The following NLRC3 variants were observed in gnomAD, a reference collection of about 807,000 sequenced individuals.
NLRC3 encodes NLR family CARD domain-containing protein 3.
In NLRC3, 87 loss-of-function variants were observed where a neutral mutation model predicts 91.6. That is an observed-to-expected ratio of 0.95 (90% CI 0.80 to 1.14). The LOEUF is 1.14. NLRC3 is among the 50% of genes most tolerant of loss of function. NLRC3 has a pLI of 0.00. For missense variants in NLRC3, 1,577 were observed against 1,418.6 expected (o/e 1.11, Z -1.79); for synonymous variants, 694 against 625.3 (o/e 1.11, Z -1.64).
intron 1 of NLRC3, among the ~76,000 whole-genome samples, chr16:3,574,114 C>T (rs1202539207): frequency 7.0e-6 from 1 of 142,204 alleles, no homozygotes; most frequent in East Asian, 2.2e-4. Flanking sequence ...CCTCTGCCTC[C>T]TGGGTTCAAG....
intron 1 of NLRC3, among the ~76,000 whole-genome samples, chr16:3,567,882 T>A (rs756833685): frequency 2.0e-5 from 3 of 151,642 alleles, no homozygotes; most frequent in Non-Finnish European, 2.9e-5. Context: ...TTCTTTTTTT[T>A]TTGAGACGGA....
chr16:3,572,299 G>A (rs772824942), intron 1 of NLRC3, among the ~76,000 whole-genome samples: 38 of 151,938 alleles, frequency 2.5e-4, no homozygotes, highest in Non-Finnish European at 5.1e-4. Flanking sequence ...GGAGGTAGTG[G>A]GAAATTTTTT....
chr16:3,558,000 G>C (rs1427150024), intron 6 of NLRC3, among the ~76,000 whole-genome samples: 1 of 152,206 alleles, frequency 6.6e-6, no homozygotes, highest in Non-Finnish European at 1.5e-5. Context: ...ACATGCAGAT[G>C]GCAGCCAGTG....
rs2039696698 is a variant in NLRC3 at position 3,563,312 on chromosome 16, T to C, written c.1625A>G (p.Tyr542Cys). The change falls in exon 5 of 20, where the codon TAC becomes TGC. Residue 542 changes from tyrosine (Y) to cysteine (C), a missense_variant. Physicochemically the swap from Tyr to Cys is radical, Grantham distance 194. Coordinates refer to ENST00000359128, the MANE Select transcript of NLRC3 (RefSeq NM_178844.4). ...SLLAQGEHQA[Y>C]RTQVAELLQG... ...CAGGAGCTCAGCCACCTGGGTCCGG[T>C]AGGCCTGGTGCTCGCCTTGGGCCAG... 3.1e-6 allele frequency: 5 copies of C among 1,599,964 alleles called. No individual in the cohort carries two copies. Among genetic ancestry groups the C allele is most frequent in the South Asian group, 1.1e-5 (1 of 88,648 alleles).
intron 1 of NLRC3, among the ~76,000 whole-genome samples, chr16:3,575,367 G>T (rs541590273): frequency 1.8e-4 from 28 of 152,320 alleles, no homozygotes; most frequent in African/African-American, 2.9e-4. Context: ...GTGAGGTCGC[G>T]AGGCCGCAGA....
chr16:3,555,229 C>CAAA (rs149218240), intron 8 of NLRC3, among the ~76,000 whole-genome samples: 9 of 82,416 alleles, frequency 1.1e-4, no homozygotes, highest in South Asian at 7.9e-4. Context: ...GACTCCGTCT[C>CAAA]AAAAAAAAAA....
chr16:3,543,983 G>A (rs1023983607), intron 16 of NLRC3: 8 of 440,136 alleles, frequency 1.8e-5, no homozygotes, highest in Admixed American at 7.4e-5. Context: ...GTGAAACCCC[G>A]TCTCTACTAA....
chr16:3,548,863 G>A, intron 13 of NLRC3, 110 bp from the exon 14 acceptor site: 2 of 764,922 alleles, frequency 2.6e-6, no homozygotes, highest in Non-Finnish European at 4.3e-6. Flanking sequence ...GCCAGCACGA[G>A]GGGGTGCTTC....
At position 3,543,604 on chromosome 16, in the gene NLRC3, A is replaced by G. The variant is rs530091847; in HGVS notation, c.2856-96T>C. On this transcript the variant is annotated intron_variant, in intron 16 of 19. Coordinates refer to ENST00000359128, the MANE Select transcript of NLRC3 (RefSeq NM_178844.4). ...CACCACCCCTTGACTCAGGATGGAA[A>G]GTGGAGAAACAGCACTGAGAATGGT... The G allele has an allele frequency of 3.0e-5, 25 of 829,712 alleles. No homozygotes were observed. The South Asian group carries it at 3.5e-4, about 12-fold the overall frequency. 51.4% of individuals were successfully genotyped at this position (829,712 alleles called of 1,614,324 possible).
chr16:3,555,564 C>G (rs889773248), intron 8 of NLRC3, among the ~76,000 whole-genome samples: 2 of 151,964 alleles, frequency 1.3e-5, no homozygotes, highest in Non-Finnish European at 2.9e-5. Flanking sequence ...GAACTGTACA[C>G]TTTAAAACAG....
intron 15 of NLRC3, among the ~76,000 whole-genome samples, chr16:3,546,699 G>A (rs1026845233): frequency 2.0e-5 from 3 of 152,316 alleles, no homozygotes; most frequent in South Asian, 2.1e-4. Context: ...CCCTGCACCC[G>A]AGCAAGATCC....
chr16:3,542,033 G>T (rs547559165), intron 19 of NLRC3, 118 bp from the exon 20 acceptor site: 26 of 801,718 alleles, frequency 3.2e-5, no homozygotes, highest in Non-Finnish European at 5.5e-5. Context: ...GGATCCCCTC[G>T]CTACATGGAC....
chr16:3,542,554 G>T, intron 18 of NLRC3, 138 bp downstream of exon 18: 1 of 640,208 alleles, frequency 1.6e-6, no homozygotes, highest in East Asian at 2.7e-5. Flanking sequence ...AGTGGAATGT[G>T]GACTATAATA....
intron 5 of NLRC3, among the ~76,000 whole-genome samples, chr16:3,562,657 C>T (rs2039662455): frequency 6.6e-6 from 1 of 151,902 alleles, no homozygotes; most frequent in African/African-American, 2.4e-5. Flanking sequence ...AAAGAGAGGA[C>T]AGCACCATGT....
chr16:3,551,159 C>G (rs1274692319), intron 10 of NLRC3, among the ~76,000 whole-genome samples: 7 of 149,796 alleles, frequency 4.7e-5, no homozygotes, highest in African/African-American at 1.5e-4. Flanking sequence ...CTATTCTCCA[C>G]TAATTCATTC....
chr16:3,565,658 G>T (rs2039850543), intron 2 of NLRC3, among the ~76,000 whole-genome samples: 1 of 151,926 alleles, frequency 6.6e-6, no homozygotes, highest in African/African-American at 2.4e-5. Flanking sequence ...AATTCCTAGG[G>T]CAGTAACATG....
intron 1 of NLRC3, among the ~76,000 whole-genome samples, chr16:3,570,127 C>T (rs972085360): frequency 6.6e-6 from 1 of 151,960 alleles, no homozygotes; most frequent in Non-Finnish European, 1.5e-5. Context: ...GACACCAGTG[C>T]GTGTGCTGTA....
Position 3,540,409 on chromosome 16 carries a change from C to G in NLRC3, c.*1416G>C, listed in dbSNP as rs191880522. ...GATGTCCATTTGGATTTTTTTCCCT[C>G]CAACACAAACAGCTGCAGGAATTGG... On this transcript the variant is annotated 3_prime_UTR_variant, in exon 20 of 20. Coordinates refer to ENST00000359128, the MANE Select transcript of NLRC3 (RefSeq NM_178844.4). 1 of 152,236 alleles carries G rather than the reference C, an allele frequency of 6.6e-6. No homozygotes were observed. The highest frequency in any genetic ancestry group is 1.9e-4 in the East Asian group (1 of 5,178). The allele number at this position is 152,236 out of a possible 1,614,324, so 9.4% of individuals were successfully genotyped here. A position where few individuals can be genotyped will look rare whatever the true frequency, so the allele number is the denominator to read the frequency against.
intron 9 of NLRC3, among the ~76,000 whole-genome samples, chr16:3,553,845 G>A (rs1458525455): frequency 7.3e-5 from 11 of 151,262 alleles, no homozygotes; most frequent in Admixed American, 6.6e-4. Context: ...AGGTTCAAGC[G>A]ATTCTCTCAA....
Sources: allele counts gnomAD v4.1 joint callset (sites outside exome capture counted in the v4.1 genomes callset), GRCh38; gene constraint gnomAD v4.1.1; transcripts MANE v1.5; gene names NCBI Gene and HGNC (gene_info 2026-07-23, HGNC 2026-07-21).